Variants in ATP6V1C1 observed in about 807,000 individuals in gnomAD.
ATP6V1C1 encodes V-type proton ATPase subunit C 1.
ATP6V1C1 carries 45 observed loss-of-function variants against 53.9 expected under a neutral mutation model. The observed-to-expected ratio is 0.83, with a 90% CI of 0.66 to 1.07. The LOEUF is 1.07. Ranked by LOEUF, ATP6V1C1 falls within the 50% of genes least tolerant of loss-of-function variation. The pLI, the probability that ATP6V1C1 is intolerant of heterozygous loss-of-function variation, is 0.00. For synonymous variants in ATP6V1C1, 153 were observed against 155.2 expected, an observed-to-expected ratio of 0.99 and a Z score of 0.11; for missense variants, 315 against 440.3, an observed-to-expected ratio of 0.72 and a Z score of 2.55.
intron 1 of ATP6V1C1, among the ~76,000 whole-genome samples, chr8:103,022,782 C>A (rs1816621133): frequency 6.6e-6 from 1 of 152,092 alleles, no homozygotes; most frequent in Admixed American, 6.5e-5. Context: ...GGCAGGGTGG[C>A]TCGTGACTAT....
intron 8 of ATP6V1C1, 69 bp downstream of exon 8, chr8:103,056,005 G>C: frequency 6.9e-7 from 1 of 1,455,726 alleles, no homozygotes; most frequent in Non-Finnish European, 9.6e-7. Flanking sequence ...GTTGGCTTAG[G>C]AAATATGTTT....
chr8:103,024,050 A>G (rs1004055536), intron 1 of ATP6V1C1, among the ~76,000 whole-genome samples: 17 of 152,194 alleles, frequency 1.1e-4, no homozygotes, highest in African/African-American at 3.1e-4. Context: ...ATCTGGAGGA[A>G]ATAATGAACA....
At chr8:103,053,368 T>C (rs565811323) in intron 6 of ATP6V1C1, among the ~76,000 whole-genome samples, 1 of 152,066 alleles carries the variant, frequency 6.6e-6, no homozygotes, top group Non-Finnish European at 1.5e-5. Context: ...GTTGGTTGGA[T>C]ACTGTGAGTG....
At chr8:103,048,993 A>G (rs1817153487) in intron 4 of ATP6V1C1, 38 bp downstream of exon 4, 6 of 1,569,724 alleles carry the variant, frequency 3.8e-6, no homozygotes, top group Non-Finnish European at 5.2e-6. Context: ...ATTAACTCAT[A>G]CAAAGCAAAT....
At chr8:103,022,791 A>G (rs1051345118) in intron 1 of ATP6V1C1, among the ~76,000 whole-genome samples, 3 of 152,072 alleles carry the variant, frequency 2.0e-5, no homozygotes, top group African/African-American at 7.2e-5. Flanking sequence ...GCTCGTGACT[A>G]TAATCCCAAC....
intron 2 of ATP6V1C1, among the ~76,000 whole-genome samples, chr8:103,041,808 G>C (rs1192597351): frequency 3.3e-5 from 5 of 152,120 alleles, no homozygotes; most frequent in Admixed American, 3.3e-4. Context: ...GGAGGTGGAG[G>C]TTGCAGTGAG....
chr8:103,042,311 A>C (rs1230924806), intron 2 of ATP6V1C1, 29 bp from the exon 3 acceptor site: 1 of 1,598,324 alleles, frequency 6.3e-7, no homozygotes, highest in East Asian at 2.2e-5. Flanking sequence ...AAAGCATGCC[A>C]CCTAAATAAC....
rs759335628 is a variant in ATP6V1C1, at chr8:103,072,941, A to G, written c.*4194A>G. On this transcript the variant is annotated 3_prime_UTR_variant, in exon 13 of 13. Coordinates refer to ENST00000518738, the MANE Select transcript of ATP6V1C1 (RefSeq NM_001695.5). ...TTTCAAACAAATCAGAAGGCAGTCA[A>G]CAAACAGAAAGGGGGACATTCCTTC... The G allele has an allele frequency of 4.6e-5, 7 of 152,294 alleles. No homozygotes were observed. The highest frequency in any genetic ancestry group is 8.8e-5 in the Non-Finnish European group (6 of 68,058). 9.4% of individuals were successfully genotyped at this position (152,294 alleles called of 1,614,324 possible). A position where few individuals can be genotyped will look rare whatever the true frequency, so the allele number is the denominator to read the frequency against.
intron 8 of ATP6V1C1, among the ~76,000 whole-genome samples, chr8:103,059,538 C>T (rs544418784): frequency 1.9e-4 from 29 of 151,338 alleles, no homozygotes; most frequent in African/African-American, 6.6e-4. Flanking sequence ...CGGCCCCCCA[C>T]CTGAAATAGT....
intron 3 of ATP6V1C1, among the ~76,000 whole-genome samples, chr8:103,047,185 C>T (rs1412089956): frequency 6.6e-6 from 1 of 152,060 alleles, no homozygotes; most frequent in Non-Finnish European, 1.5e-5. Context: ...GACCACTCAG[C>T]ATAGGATTGT....
At chr8:103,044,175 C>T (rs949570807) in intron 3 of ATP6V1C1, among the ~76,000 whole-genome samples, 17 of 152,284 alleles carry the variant, frequency 1.1e-4, no homozygotes, top group Admixed American at 2.0e-4. Context: ...TGAGCCACCG[C>T]GCCTGGCCAT....
chr8:103,036,186 CAACTAA>C (rs1816896036), intron 1 of ATP6V1C1, among the ~76,000 whole-genome samples: 1 of 152,172 alleles, frequency 6.6e-6, no homozygotes, highest in South Asian at 2.1e-4. Flanking sequence ...GAGTCAAACA[CAACTAA>C]ATTTGAACCC....
chr8:103,027,846 C>T (rs542281284), intron 1 of ATP6V1C1, among the ~76,000 whole-genome samples: 1 of 152,174 alleles, frequency 6.6e-6, no homozygotes, highest in African/African-American at 2.4e-5. Flanking sequence ...CTCCCACCCT[C>T]CCTGCACACA....
In ATP6V1C1 at chr8:103,070,705, G is replaced by A. The variant is rs1234128120; in HGVS notation, c.*1958G>A. On this transcript the variant is annotated 3_prime_UTR_variant, in exon 13 of 13. Transcript: ENST00000518738. ...ATGAGAGTAGGTACAGACTGCATAA[G>A]GTTTAGAATCCCAGCATATGTCTGA... 1 of 152,218 alleles carries A rather than the reference G, an allele frequency of 6.6e-6. No individual in the cohort carries two copies. Among genetic ancestry groups the A allele is most frequent in the Non-Finnish European group, 1.5e-5 (1 of 68,042 alleles). The allele number at this position is 152,218 out of a possible 1,614,324, so 9.4% of individuals were successfully genotyped here. A position where few individuals can be genotyped will look rare whatever the true frequency, so the allele number is the denominator to read the frequency against.
intron 1 of ATP6V1C1, among the ~76,000 whole-genome samples, chr8:103,025,436 A>G (rs190575067): frequency 1.3e-5 from 2 of 152,240 alleles, no homozygotes; most frequent in South Asian, 4.1e-4. Context: ...TGTTGGACAA[A>G]TATTAAGATG....
chr8:103,025,990 A>G (rs1040185141), intron 1 of ATP6V1C1, among the ~76,000 whole-genome samples: 2 of 152,234 alleles, frequency 1.3e-5, no homozygotes, highest in Non-Finnish European at 2.9e-5. Flanking sequence ...CCAGCCATGA[A>G]GAAAAGGGAA....
At position 103,046,078 on chromosome 8, in the gene ATP6V1C1, TC is replaced by T. The variant is rs1310999644; in HGVS notation, c.201-2789del. Among the ~76,000 whole-genome samples, 6 of 151,746 alleles carry T rather than the reference TC, an allele frequency of 4.0e-5. No homozygotes were observed. The East Asian group carries it at 1.2e-3, about 29-fold the overall frequency. ...ACCAAAGAGACACTGAGAAAGGAGG[TC>T]CCTGAGAATATAATTATTAACATTT... On this transcript the variant is annotated intron_variant, in intron 3 of 12. Coordinates refer to ENST00000518738, the MANE Select transcript of ATP6V1C1 (RefSeq NM_001695.5).
At chr8:103,036,897 A>G (rs1182459891) in intron 1 of ATP6V1C1, among the ~76,000 whole-genome samples, 1 of 152,202 alleles carries the variant, frequency 6.6e-6, no homozygotes, top group Non-Finnish European at 1.5e-5. Flanking sequence ...ATAAAAATGT[A>G]TCCTTTGATA....
intron 5 of ATP6V1C1, among the ~76,000 whole-genome samples, chr8:103,051,959 C>T (rs1817207695): frequency 6.6e-6 from 1 of 152,036 alleles, no homozygotes; most frequent in Admixed American, 6.6e-5. Flanking sequence ...AATAAATAGA[C>T]TATCAAAGAT....
Sources: allele counts gnomAD v4.1 joint callset (sites outside exome capture counted in the v4.1 genomes callset), GRCh38; gene constraint gnomAD v4.1.1; transcripts MANE v1.5; gene names NCBI Gene and HGNC (gene_info 2026-07-23, HGNC 2026-07-21).